The following ELL variants were observed in gnomAD, a reference collection of about 807,000 sequenced individuals.
The protein encoded by ELL is RNA polymerase II elongation factor ELL.
Under a neutral mutation model 64.0 loss-of-function variants are expected in ELL, and 18 were observed. The ratio of observed to expected loss-of-function variants is 0.28; its 90% CI spans 0.19 to 0.42. The LOEUF (loss-of-function observed/expected upper bound fraction) is 0.42, where lower values mean the gene tolerates loss of function less well. Ranked by LOEUF, ELL falls within the 10% of genes least tolerant of loss-of-function variation. ELL has a pLI of 1.00. For synonymous variants in ELL, 399 were observed against 376.2 expected, an observed-to-expected ratio of 1.06 and a Z score of -0.70; for missense variants, 797 against 870.4, an observed-to-expected ratio of 0.92 and a Z score of 1.06.
intron 2 of ELL, among the ~76,000 whole-genome samples, chr19:18,470,126 G>T (rs1172557593): frequency 6.6e-6 from 1 of 152,254 alleles, no homozygotes; most frequent in Non-Finnish European, 1.5e-5. Context: ...AGACCAGCCT[G>T]GCCAACATGG....
At chr19:18,513,912 C>T (rs950915633) in intron 1 of ELL, among the ~76,000 whole-genome samples, 1 of 152,142 alleles carries the variant, frequency 6.6e-6, no homozygotes, top group Non-Finnish European at 1.5e-5. Context: ...GACTGGGCGA[C>T]AGAGCGAGAC....
chr19:18,482,762 T>G (rs533555956), intron 1 of ELL, among the ~76,000 whole-genome samples: 2 of 140,080 alleles, frequency 1.4e-5, no homozygotes, highest in African/African-American at 6.1e-5. Flanking sequence ...TCTTTTTGGT[T>G]TTTGTTGTTG....
chr19:18,498,189 T>C (rs576920229), intron 1 of ELL, among the ~76,000 whole-genome samples: 17 of 149,510 alleles, frequency 1.1e-4, no homozygotes, highest in African/African-American at 3.9e-4. Flanking sequence ...CTCTGTGGGG[T>C]GGATGGGACA....
rs993429365 is a variant in ELL, at chr19:18,501,599, C to T, written c.135+20322G>A. On this transcript the variant is annotated intron_variant, in intron 1 of 11. Transcript: ENST00000262809. This position sits in a 1 kb window ranked among gnomAD's most constrained non-coding sequence, Gnocchi z 4.5. The stretch of plus-strand genomic sequence containing the variant: ...ATGAGACGGGGGCCAAGCCAGGGGC[C>T]GGCTACTCACGAGTGCACACGAGGA... 1.3e-5 allele frequency among the ~76,000 whole-genome samples: 2 copies of T among 152,154 alleles called. No homozygotes were observed. Among genetic ancestry groups the T allele is most frequent in the African/African-American group, 2.4e-5 (1 of 41,420 alleles).
intron 1 of ELL, among the ~76,000 whole-genome samples, chr19:18,491,613 G>A (rs572678018): frequency 1.1e-4 from 17 of 152,190 alleles, no homozygotes; most frequent in South Asian, 4.1e-4. Context: ...TGCTTAAGCC[G>A]ATTCATTAAA....
At chr19:18,505,912 C>T (rs1347312367) in intron 1 of ELL, among the ~76,000 whole-genome samples, 1 of 152,172 alleles carries the variant, frequency 6.6e-6, no homozygotes, top group Non-Finnish European at 1.5e-5. Flanking sequence ...AGGGTGGCAC[C>T]ACTGTACAGT....
intron 2 of ELL, among the ~76,000 whole-genome samples, chr19:18,469,021 C>A (rs979986513): frequency 5.9e-5 from 9 of 152,164 alleles, no homozygotes; most frequent in Non-Finnish European, 1.2e-4. Context: ...CATCTGCCCC[C>A]CAAACTCCAT....
At chr19:18,521,489 C>A (rs1420965357) in intron 1 of ELL, among the ~76,000 whole-genome samples, 1 of 151,992 alleles carries the variant, frequency 6.6e-6, no homozygotes, top group Non-Finnish European at 1.5e-5. Flanking sequence ...CCCCCACCAA[C>A]GGCGCTGCCC....
At chr19:18,460,967 T>C (rs1016741600) in intron 5 of ELL, among the ~76,000 whole-genome samples, 2 of 151,982 alleles carry the variant, frequency 1.3e-5, no homozygotes, top group African/African-American at 4.8e-5. Context: ...GGAACCTCCA[T>C]GGGTGAGGGG....
chr19:18,493,198 G>C (rs1031372321), intron 1 of ELL, among the ~76,000 whole-genome samples: 2 of 152,160 alleles, frequency 1.3e-5, no homozygotes, highest in African/African-American at 4.8e-5. Flanking sequence ...ATTTGTCTGA[G>C]ATAATAAAGG....
intron 1 of ELL, among the ~76,000 whole-genome samples, chr19:18,520,771 C>T (rs1163193763): frequency 7.2e-6 from 1 of 139,250 alleles, no homozygotes; most frequent in Non-Finnish European, 1.5e-5. Context: ...GGGAGCAGGG[C>T]TCTCTGAGCC....
intron 2 of ELL, among the ~76,000 whole-genome samples, chr19:18,467,224 A>T (rs868389875): frequency 6.6e-6 from 1 of 152,084 alleles, no homozygotes; most frequent in African/African-American, 2.4e-5. Flanking sequence ...TCCCTGTACC[A>T]GCCAGTCTGC....
rs746218146 is a variant in ELL at position 18,446,373 on chromosome 19, G to A, written c.1640C>T (p.Thr547Met). ...GGCGTCGAGCTGGGTGAACCGCCGCGTGATGCGCTCAATGCGGGCGTGCAG... is the reference window on the plus strand; with the variant it reads ...GGCGTCGAGCTGGGTGAACCGCCGCATGATGCGCTCAATGCGGGCGTGCAG... The part of the protein sequence containing the change: ...RDLHARIERI[T>M]RRFTQLDAQL... The change falls in exon 10 of 12, where the codon ACG becomes ATG. Residue 547 changes from threonine (T) to methionine (M), a missense_variant. Transcript: ENST00000262809. 2.9e-5 allele frequency: 46 copies of A among 1,609,990 alleles called. No individual in the cohort carries two copies. The Admixed American group carries it at 3.4e-4, about 12-fold the overall frequency.
chr19:18,483,613 G>A (rs570573167), intron 1 of ELL, among the ~76,000 whole-genome samples: 6 of 152,228 alleles, frequency 3.9e-5, no homozygotes, highest in Non-Finnish European at 5.9e-5. Flanking sequence ...GGACAGGGCT[G>A]CCCGAGGTCA....
At chr19:18,521,505 C>A (rs753630676) in intron 1 of ELL, among the ~76,000 whole-genome samples, 29 of 152,170 alleles carry the variant, frequency 1.9e-4, no homozygotes, top group Non-Finnish European at 3.8e-4. Context: ...TGCCCCGGCC[C>A]CAGATGGAAA....
intron 6 of ELL, among the ~76,000 whole-genome samples, chr19:18,455,958 C>T (rs570456692): frequency 6.6e-6 from 1 of 151,892 alleles, no homozygotes; most frequent in Non-Finnish European, 1.5e-5. Flanking sequence ...ATTAGCCGGG[C>T]ATGGTGCGCA....
In ELL at chr19:18,496,787, A is replaced by G. The variant is rs137866346; in HGVS notation, c.136-23905T>C. Among the ~76,000 whole-genome samples, 166 of 152,360 alleles carry G rather than the reference A, an allele frequency of 1.1e-3. 3 individuals are homozygous for G. In the East Asian group the frequency reaches 0.024, roughly 22 times the overall value. Reference sequence around the variant, plus strand: ...GGCCCGTCATACCAAGTCTTCCACTATGGGCAAACATCACTTCAATAATAT... The same window carrying G: ...GGCCCGTCATACCAAGTCTTCCACTGTGGGCAAACATCACTTCAATAATAT... On this transcript the variant is annotated intron_variant, in intron 1 of 11. Transcript: ENST00000262809.
intron 1 of ELL, among the ~76,000 whole-genome samples, chr19:18,513,961 G>A (rs753108648): frequency 6.6e-6 from 1 of 151,866 alleles, no homozygotes; most frequent in African/African-American, 2.4e-5. Flanking sequence ...CAAAAAAATC[G>A]GAATTCAGTT....
intron 1 of ELL, among the ~76,000 whole-genome samples, chr19:18,486,639 T>G (rs377364701): frequency 1.6e-4 from 24 of 152,304 alleles, no homozygotes; most frequent in African/African-American, 5.8e-4. Context: ...CCTGGATGAT[T>G]CACAGCTCCG....
Sources: gnomAD v4.1 joint callset for allele counts (sites outside exome capture counted in the v4.1 genomes callset) on GRCh38, gnomAD v4.1.1 for gene constraint, Gnocchi (gnomAD v3.1) non-coding constraint, MANE v1.5 for transcripts, NCBI Gene and HGNC (gene_info 2026-07-23, HGNC 2026-07-21) for gene names.